Variants in KIF13A observed in about 807,000 individuals in gnomAD.
KIF13A encodes kinesin family member 13A, also known as kinesin-like protein KIF13A.
Under a neutral mutation model 212.2 loss-of-function variants are expected in KIF13A, and 79 were observed. The observed-to-expected ratio is 0.37, with a 90% CI of 0.31 to 0.45. The LOEUF is 0.45. Among genes scored for constraint, KIF13A ranks in the 20% least tolerant of loss-of-function variants. The pLI, the probability that KIF13A is intolerant of heterozygous loss-of-function variation, is 1.00. For synonymous variants in KIF13A, 789 were observed against 808.6 expected (o/e 0.98, Z 0.41); for missense variants, 1,901 against 2,209.0 (o/e 0.86, Z 2.79).
chr6:17,826,033 G>A lies in KIF13A; in HGVS notation c.1619+5C>T. 6.2e-7 allele frequency: 1 copy of A among 1,613,200 alleles called. No homozygotes were observed. Among genetic ancestry groups the A allele is most frequent in the Middle Eastern group, 1.6e-4 (1 of 6,062 alleles). ...AAAATATATTACAGAACACAAAGAT[G>A]TTACCTAAAAAAGTGATTATTTCCC... On this transcript the variant is annotated splice_donor_5th_base_variant and intron_variant, in intron 15 of 38. Transcript: ENST00000259711. The surrounding 1 kb of genome is among the most constrained non-coding windows in gnomAD (Gnocchi z 4.7).
intron 4 of KIF13A, among the ~76,000 whole-genome samples, chr6:17,865,690 G>A (rs1008168769): frequency 6.6e-6 from 1 of 152,260 alleles, no homozygotes; most frequent in Non-Finnish European, 1.5e-5. Flanking sequence ...AGAAACTGAA[G>A]CTGTAAGGCT....
At chr6:17,965,467 G>C (rs1393314601) in intron 2 of KIF13A, among the ~76,000 whole-genome samples, 1 of 152,206 alleles carries the variant, frequency 6.6e-6, no homozygotes, top group Non-Finnish European at 1.5e-5. Context: ...ATTATTGAGA[G>C]AAACTCAGAG....
intron 3 of KIF13A, among the ~76,000 whole-genome samples, chr6:17,896,975 C>T (rs550013347): frequency 1.1e-4 from 16 of 152,274 alleles, no homozygotes; most frequent in East Asian, 5.8e-4. Context: ...ATTATATCTA[C>T]GTCGACAATT....
At chr6:17,976,510 C>T (rs931134604) in intron 2 of KIF13A, among the ~76,000 whole-genome samples, 8 of 152,202 alleles carry the variant, frequency 5.3e-5, no homozygotes, top group African/African-American at 1.9e-4. Context: ...CACGCCCACC[C>T]AGAACTCCAG....
chr6:17,875,197 T>C (rs1335912086), intron 3 of KIF13A, among the ~76,000 whole-genome samples: 1 of 152,086 alleles, frequency 6.6e-6, no homozygotes, highest in Non-Finnish European at 1.5e-5. Flanking sequence ...CAGATGGTAG[T>C]TCTACTTTTA....
At position 17,850,226 on chromosome 6, in the gene KIF13A, T is replaced by G. The variant is rs1466073111; in HGVS notation, c.717+97A>C. On this transcript the variant is annotated intron_variant, in intron 8 of 38. Transcript: ENST00000259711. This position sits in a 1 kb window ranked among gnomAD's most constrained non-coding sequence, Gnocchi z 6.2. The stretch of plus-strand genomic sequence containing the variant: ...AGTAAGCAGAAGAGCCAACATACAA[T>G]TCTCAGCCACTGAACCCAACCATGA... The G allele has an allele frequency of 8.3e-7, 1 of 1,206,930 alleles. No individual in the cohort carries two copies. Among genetic ancestry groups the G allele is most frequent in the Non-Finnish European group, 1.1e-6 (1 of 883,656 alleles). The allele number at this position is 1,206,930 out of a possible 1,614,324, so 74.8% of individuals were successfully genotyped here.
chr6:17,984,549 T>C lies in KIF13A; in HGVS notation c.146+2505A>G. 2.0e-6 allele frequency: 2 copies of C among 985,286 alleles called. No homozygotes were observed. The highest frequency in any genetic ancestry group is 2.4e-6 in the Non-Finnish European group (2 of 829,864). The allele number at this position is 985,286 out of a possible 1,614,324, so 61.0% of individuals were successfully genotyped here. ...AGCTACACAGTCTTGGCTTTGGTTTTGTAAAATGGGGAAACAATGAAAGCT... is the reference window on the plus strand; with the variant it reads ...AGCTACACAGTCTTGGCTTTGGTTTCGTAAAATGGGGAAACAATGAAAGCT... On this transcript the variant is annotated intron_variant, in intron 2 of 38. Coordinates refer to ENST00000259711, the MANE Select transcript of KIF13A (RefSeq NM_022113.6). The surrounding 1 kb of genome is among the most constrained non-coding windows in gnomAD (Gnocchi z 5.0).
intron 22 of KIF13A, among the ~76,000 whole-genome samples, chr6:17,797,244 T>G (rs1762121078): frequency 1.3e-5 from 2 of 152,088 alleles, no homozygotes; most frequent in African/African-American, 4.8e-5. Flanking sequence ...TTAGCTACGA[T>G]GGTCTCGATC....
chr6:17,814,888 A>G (rs1763788014), intron 17 of KIF13A, among the ~76,000 whole-genome samples: 1 of 152,138 alleles, frequency 6.6e-6, no homozygotes, highest in Admixed American at 6.5e-5. Context: ...GTGTGTGGAG[A>G]TGAGAGATCA....
chr6:17,884,730 A>G (rs1398973560), intron 3 of KIF13A, among the ~76,000 whole-genome samples: 2 of 152,132 alleles, frequency 1.3e-5, no homozygotes, highest in Non-Finnish European at 2.9e-5. Flanking sequence ...CCTCTCCTCT[A>G]CACTGCCTTC....
chr6:17,831,608 A>G (rs1483557388), intron 12 of KIF13A, among the ~76,000 whole-genome samples: 1 of 151,288 alleles, frequency 6.6e-6, no homozygotes, highest in African/African-American at 2.4e-5. Flanking sequence ...GAAAGAGGAT[A>G]TATTTGAGAT....
Position 17,777,500 on chromosome 6 carries a change from T to A in KIF13A, c.4093-146A>T, listed in dbSNP as rs1760105602. ...CTGGGTTCAAGCAATTCTGCCTCAG[T>A]CTCCTGAGTAGCTGGGACTACAGGT... On this transcript the variant is annotated intron_variant, in intron 33 of 38. Transcript: ENST00000259711. This position sits in a 1 kb window ranked among gnomAD's most constrained non-coding sequence, Gnocchi z 4.4. The A allele has an allele frequency of 1.5e-6, 1 of 668,876 alleles. No homozygotes were observed. Among genetic ancestry groups the A allele is most frequent in the South Asian group, 1.7e-5 (1 of 59,594 alleles). 41.4% of individuals were successfully genotyped at this position (668,876 alleles called of 1,614,324 possible).
intron 2 of KIF13A, among the ~76,000 whole-genome samples, chr6:17,972,242 A>T (rs962098859): frequency 2.0e-5 from 3 of 152,348 alleles, no homozygotes; most frequent in Admixed American, 6.5e-5. Flanking sequence ...TATCCTTGAA[A>T]CAAGTAATTT....
intron 11 of KIF13A, among the ~76,000 whole-genome samples, chr6:17,835,440 G>A (rs745597092): frequency 1.2e-4 from 18 of 151,988 alleles, no homozygotes; most frequent in Non-Finnish European, 2.2e-4. Flanking sequence ...AGGTTTATCA[G>A]CATTTTTATT....
chr6:17,866,294 A>G (rs1030035289), intron 4 of KIF13A, among the ~76,000 whole-genome samples: 4 of 152,098 alleles, frequency 2.6e-5, no homozygotes, highest in Non-Finnish European at 5.9e-5. Flanking sequence ...ATCCTAGAGA[A>G]CTTCTGACAG....
intron 11 of KIF13A, among the ~76,000 whole-genome samples, chr6:17,836,094 A>G (rs1169165420): frequency 6.6e-6 from 1 of 152,228 alleles, no homozygotes; most frequent in Non-Finnish European, 1.5e-5. Flanking sequence ...AGCAACACCT[A>G]TTTAGAAGAG....
At chr6:17,779,936 C>T (rs1041133775) in intron 31 of KIF13A, among the ~76,000 whole-genome samples, 8 of 150,834 alleles carry the variant, frequency 5.3e-5, no homozygotes, top group East Asian at 2.0e-4. Context: ...TTAGTAGAGA[C>T]GGGGTTTCAC....
At position 17,926,947 on chromosome 6, in the gene KIF13A, C is replaced by T. The variant is rs965615283; in HGVS notation, c.147-28767G>A. On this transcript the variant is annotated intron_variant, in intron 2 of 38. Transcript: ENST00000259711. This position sits in a 1 kb window ranked among gnomAD's most constrained non-coding sequence, Gnocchi z 4.3. ...CAGATCAGGAGTTCGAGACCAGCTG[C>T]GCCAACATGGTGAAACCTCATCTCT... 3.3e-5 allele frequency among the ~76,000 whole-genome samples: 5 copies of T among 151,994 alleles called. No homozygotes were observed. Among genetic ancestry groups the T allele is most frequent in the East Asian group, 3.9e-4 (2 of 5,140 alleles).
chr6:17,769,829 A>C lies in KIF13A; in HGVS notation c.4581+1285T>G, dbSNP rs1397384230. 6.6e-6 allele frequency among the ~76,000 whole-genome samples: 1 copy of C among 152,144 alleles called. No homozygotes were observed. The highest frequency in any genetic ancestry group is 1.9e-4 in the East Asian group (1 of 5,160). On this transcript the variant is annotated intron_variant, in intron 38 of 38. Transcript: ENST00000259711. The surrounding 1 kb of genome is among the most constrained non-coding windows in gnomAD (Gnocchi z 5.8). ...TGAGCAGAGGGTGGTCAGGTAAGTGAGAGAACAGCTCAGTAAGATTTGGAG... is the reference window on the plus strand; with the variant it reads ...TGAGCAGAGGGTGGTCAGGTAAGTGCGAGAACAGCTCAGTAAGATTTGGAG...
Sources: gnomAD v4.1 joint callset for allele counts (sites outside exome capture counted in the v4.1 genomes callset) on GRCh38, gnomAD v4.1.1 for gene constraint, Gnocchi (gnomAD v3.1) non-coding constraint, MANE v1.5 for transcripts, NCBI Gene and HGNC (gene_info 2026-07-23, HGNC 2026-07-21) for gene names.